Variants in C8orf34 observed in about 807,000 individuals in gnomAD.
The protein encoded by C8orf34 is chromosome 8 open reading frame 34, also known as uncharacterized protein C8orf34.
Under a neutral mutation model 68.3 loss-of-function variants are expected in C8orf34, and 65 were observed. That is an observed-to-expected ratio of 0.95 (90% confidence interval 0.78 to 1.17). C8orf34 has a LOEUF of 1.17. Among genes scored for constraint, C8orf34 ranks in the 50% most tolerant of loss-of-function variants. C8orf34 has a pLI of 0.00. For synonymous variants in C8orf34, 244 were observed against 241.2 expected, an observed-to-expected ratio of 1.01 and a Z score of -0.11; for missense variants, 664 against 655.4, an observed-to-expected ratio of 1.01 and a Z score of -0.14.
At chr8:68,626,765 AG>A (rs1307065789) in intron 7 of C8orf34, among the ~76,000 whole-genome samples, 1 of 152,176 alleles carries the variant, frequency 6.6e-6, no homozygotes, top group Non-Finnish European at 1.5e-5. Flanking sequence ...TCTATTAAAT[AG>A]GGTCAGCAAT....
intron 1 of C8orf34, among the ~76,000 whole-genome samples, chr8:68,381,465 G>T (rs900399724): frequency 1.5e-4 from 23 of 152,056 alleles, no homozygotes; most frequent in Admixed American, 1.5e-3. Context: ...GGGCGCGGTG[G>T]CTCACGCCTG....
intron 7 of C8orf34, among the ~76,000 whole-genome samples, chr8:68,624,631 C>T (rs1818482495): frequency 6.6e-6 from 1 of 152,166 alleles, no homozygotes; most frequent in South Asian, 2.1e-4. Context: ...TGATCATTCA[C>T]TCATTCATTC....
chr8:68,734,868 A>C (rs1159676322), intron 10 of C8orf34, among the ~76,000 whole-genome samples: 1 of 152,132 alleles, frequency 6.6e-6, no homozygotes, highest in Non-Finnish European at 1.5e-5. Flanking sequence ...ACTGCTGTAG[A>C]TATTGATAGA....
intron 10 of C8orf34, among the ~76,000 whole-genome samples, chr8:68,737,613 G>A (rs1822159093): frequency 6.6e-6 from 1 of 151,740 alleles, no homozygotes; most frequent in African/African-American, 2.4e-5. Context: ...AAAAGCAGGG[G>A]TAGCAACCTT....
intron 7 of C8orf34, among the ~76,000 whole-genome samples, chr8:68,553,045 T>G (rs1400461294): frequency 6.6e-6 from 1 of 151,998 alleles, no homozygotes; most frequent in Non-Finnish European, 1.5e-5. Flanking sequence ...CTTTATCTGG[T>G]TTTGGAATTA....
intron 7 of C8orf34, among the ~76,000 whole-genome samples, chr8:68,618,402 A>T (rs1022048417): frequency 2.0e-5 from 3 of 152,138 alleles, no homozygotes; most frequent in African/African-American, 4.8e-5. Context: ...CCCAGGCTGG[A>T]GTGCAGTGGT....
chr8:68,684,706 G>A (rs766295974), intron 8 of C8orf34, among the ~76,000 whole-genome samples: 10 of 151,702 alleles, frequency 6.6e-5, no homozygotes, highest in Non-Finnish European at 1.2e-4. Flanking sequence ...TGTAAATCGA[G>A]CTCATTTCTT....
At chr8:68,375,916 C>A (rs1470770154) in intron 1 of C8orf34, among the ~76,000 whole-genome samples, 1 of 152,108 alleles carries the variant, frequency 6.6e-6, no homozygotes, top group African/African-American at 2.4e-5. Context: ...AGGTTTGAAT[C>A]AAGTCAAGAA....
chr8:68,695,944 T>G (rs1161831035), intron 8 of C8orf34, among the ~76,000 whole-genome samples: 2 of 152,126 alleles, frequency 1.3e-5, no homozygotes, highest in Admixed American at 6.6e-5. Context: ...TTTCAGTTAA[T>G]TTGTTGTGAC....
At chr8:68,471,477 G>C (rs1042484556) in intron 4 of C8orf34, among the ~76,000 whole-genome samples, 2 of 152,118 alleles carry the variant, frequency 1.3e-5, no homozygotes, top group African/African-American at 4.8e-5. Context: ...TAGTTGCCCA[G>C]AGTTTAGCTA....
At chr8:68,499,515 G>A (rs973623862) in intron 5 of C8orf34, among the ~76,000 whole-genome samples, 2 of 152,176 alleles carry the variant, frequency 1.3e-5, no homozygotes, top group Admixed American at 6.5e-5. Flanking sequence ...GAAGGAGGAT[G>A]CATAGTACAC....
At chr8:68,779,345 T>C (rs976197987) in intron 11 of C8orf34, among the ~76,000 whole-genome samples, 1 of 152,114 alleles carries the variant, frequency 6.6e-6, no homozygotes, top group African/African-American at 2.4e-5. Flanking sequence ...TCAATTCAAA[T>C]GATTGAGAAG....
chr8:68,658,596 A>G (rs1819579340), intron 8 of C8orf34, among the ~76,000 whole-genome samples: 1 of 151,806 alleles, frequency 6.6e-6, no homozygotes. Context: ...ATTCCCTTCT[A>G]TTTCTTCTTT....
chr8:68,531,524 T>C (rs1382000013), intron 6 of C8orf34, among the ~76,000 whole-genome samples: 4 of 152,184 alleles, frequency 2.6e-5, no homozygotes, highest in African/African-American at 7.2e-5. Flanking sequence ...TTCTACATAG[T>C]TGATGGGATG....
chr8:68,544,026 G>C (rs1815787652), intron 7 of C8orf34, among the ~76,000 whole-genome samples: 1 of 152,140 alleles, frequency 6.6e-6, no homozygotes, highest in Non-Finnish European at 1.5e-5. Context: ...AGAATGAAGA[G>C]TGGTGATCCC....
At chr8:68,398,256 A>G (rs1808802463) in intron 1 of C8orf34, among the ~76,000 whole-genome samples, 1 of 152,160 alleles carries the variant, frequency 6.6e-6, no homozygotes, top group Non-Finnish European at 1.5e-5. Context: ...TTTAGCCAAC[A>G]GAAGTCTTCA....
intron 5 of C8orf34, among the ~76,000 whole-genome samples, chr8:68,512,578 T>G (rs568308495): frequency 1.1e-3 from 174 of 152,312 alleles, no homozygotes; most frequent in African/African-American, 4.1e-3. Context: ...TCAGAAATTT[T>G]AAATAAGTAA....
At chr8:68,469,162 A>G (rs1164014466) in intron 4 of C8orf34, among the ~76,000 whole-genome samples, 3 of 152,054 alleles carry the variant, frequency 2.0e-5, no homozygotes, top group Non-Finnish European at 4.4e-5. Context: ...TCTAATTAAT[A>G]AACATACCCA....
intron 1 of C8orf34, among the ~76,000 whole-genome samples, chr8:68,331,782 T>C (rs1805611031): frequency 9.4e-6 from 1 of 106,316 alleles, no homozygotes; most frequent in South Asian, 3.6e-4. Context: ...TTTCTTTCCT[T>C]CTTTTTTTTT....
Sources: gnomAD v4.1 joint callset for allele counts (sites outside exome capture counted in the v4.1 genomes callset) on GRCh38, gnomAD v4.1.1 for gene constraint, MANE v1.5 for transcripts, NCBI Gene and HGNC (gene_info 2026-07-23, HGNC 2026-07-21) for gene names.